The following RPF2 variants were observed in gnomAD, a reference collection of about 807,000 sequenced individuals.
RPF2 encodes the protein ribosome production factor 2 homolog.
A neutral mutation model predicts 38.9 loss-of-function variants in RPF2; 21 were observed. That is an observed-to-expected ratio of 0.54 (90% CI 0.38 to 0.78). The LOEUF (loss-of-function observed/expected upper bound fraction) is 0.78. RPF2 is among the 30% of genes least tolerant of loss of function. The pLI, the probability that RPF2 is intolerant of heterozygous loss-of-function variation, is 0.00. For synonymous variants in RPF2, 121 were observed against 126.2 expected, an observed-to-expected ratio of 0.96 and a Z score of 0.28; for missense variants, 314 against 358.1, an observed-to-expected ratio of 0.88 and a Z score of 0.99.
chr6:110,993,310 C>G (rs377274489), intron 4 of RPF2, among the ~76,000 whole-genome samples: 1 of 146,310 alleles, frequency 6.8e-6, no homozygotes, highest in Non-Finnish European at 1.5e-5. Context: ...GTTTTTTTTT[C>G]TTTTAGTTAG....
At chr6:111,021,161 C>A (rs985575015) in intron 8 of RPF2, among the ~76,000 whole-genome samples, 6 of 151,996 alleles carry the variant, frequency 3.9e-5, no homozygotes, top group Admixed American at 1.3e-4. Context: ...GAGCAAGACT[C>A]TGTCTCAAAA....
intron 7 of RPF2, among the ~76,000 whole-genome samples, chr6:111,012,618 T>C (rs1297068574): frequency 6.6e-6 from 1 of 152,188 alleles, no homozygotes; most frequent in African/African-American, 2.4e-5. Context: ...ATTTACCAAG[T>C]GGCATATTAA....
intron 8 of RPF2, among the ~76,000 whole-genome samples, chr6:111,017,541 C>T (rs1399412288): frequency 5.5e-5 from 8 of 146,776 alleles, no homozygotes; most frequent in African/African-American, 7.7e-5. Context: ...TTAGACGGGG[C>T]GGCCGGGCAG....
intron 4 of RPF2, among the ~76,000 whole-genome samples, chr6:110,994,367 G>A (rs1027647721): frequency 2.0e-5 from 3 of 151,842 alleles, no homozygotes; most frequent in African/African-American, 2.4e-5. Flanking sequence ...GGAGGATTGC[G>A]TGGGGCCAGG....
At chr6:110,994,281 A>T (rs1479329691) in intron 4 of RPF2, among the ~76,000 whole-genome samples, 4 of 147,300 alleles carry the variant, frequency 2.7e-5, no homozygotes, top group Admixed American at 6.8e-5. Flanking sequence ...ATCTCAATAA[A>T]AAAAAAAAAA....
At chr6:111,017,325 C>A (rs1342858174) in intron 8 of RPF2, among the ~76,000 whole-genome samples, 2 of 150,620 alleles carry the variant, frequency 1.3e-5, no homozygotes, top group African/African-American at 4.9e-5. Context: ...CACCTCCCTC[C>A]CGGATGGGGC....
At chr6:111,004,284 G>A (rs12663765) in intron 6 of RPF2, among the ~76,000 whole-genome samples, 19,613 of 151,422 alleles carry the variant, frequency 0.13, 1,742 homozygotes, top group East Asian at 0.5. Flanking sequence ...CTGGGTTCAC[G>A]CGATTCTCCT....
At chr6:110,990,259 T>C (rs1185999878) in intron 3 of RPF2, among the ~76,000 whole-genome samples, 1 of 130,148 alleles carries the variant, frequency 7.7e-6, no homozygotes, top group Non-Finnish European at 1.6e-5. Flanking sequence ...TTTAATACTC[T>C]TTTTCTCTTC....
chr6:111,019,829 A>C (rs72613257), intron 8 of RPF2, among the ~76,000 whole-genome samples: 24,724 of 152,134 alleles, frequency 0.16, 2,555 homozygotes, highest in East Asian at 0.53. Flanking sequence ...TTAGACTTGG[A>C]TCTCATCCCC....
rs1272632784 is a variant in RPF2 at position 111,026,708 on chromosome 6, A to G, written c.*1126A>G. Reference sequence around the variant, plus strand: ...AGACAGGCCTTGTGCCTAGGAAAACAGAAGCTTTCTTCTTCCTTCTACTAG... The same window carrying G: ...AGACAGGCCTTGTGCCTAGGAAAACGGAAGCTTTCTTCTTCCTTCTACTAG... On this transcript the variant is annotated 3_prime_UTR_variant, in exon 10 of 10. Coordinates refer to ENST00000441448, the MANE Select transcript of RPF2 (RefSeq NM_032194.3). The G allele has an allele frequency of 6.6e-6, 1 of 152,210 alleles. No homozygotes were observed. The highest frequency in any genetic ancestry group is 1.5e-5 in the Non-Finnish European group (1 of 68,048). The allele number at this position is 152,210 out of a possible 1,614,324, so 9.4% of individuals were successfully genotyped here.
intron 7 of RPF2, among the ~76,000 whole-genome samples, chr6:111,014,412 A>G (rs770820419): frequency 2.6e-5 from 4 of 152,170 alleles, no homozygotes; most frequent in Non-Finnish European, 5.9e-5. Flanking sequence ...GATTACAGGC[A>G]TGAGCCACTG....
chr6:111,006,820 T>G (rs930796357), intron 6 of RPF2, among the ~76,000 whole-genome samples: 1 of 151,590 alleles, frequency 6.6e-6, no homozygotes, highest in Non-Finnish European at 1.5e-5. Flanking sequence ...ATGCCTGTAA[T>G]CCCACCACTT....
chr6:110,985,662 A>C (rs1421155713), intron 2 of RPF2, among the ~76,000 whole-genome samples: 1 of 152,010 alleles, frequency 6.6e-6, no homozygotes, highest in South Asian at 2.1e-4. Context: ...AGGGGAGGCC[A>C]GGCACGGTGG....
Position 111,026,179 on chromosome 6 carries a change from C to T in RPF2, c.*597C>T, listed in dbSNP as rs559284372. On this transcript the variant is annotated 3_prime_UTR_variant, in exon 10 of 10. Transcript: ENST00000441448. ...CTCTACTACTAAGTAGAGCCCACCCCGCTTCTCTGAGACGAAACCTGTGTT... is the reference window on the plus strand; with the variant it reads ...CTCTACTACTAAGTAGAGCCCACCCTGCTTCTCTGAGACGAAACCTGTGTT... The T allele has an allele frequency of 2.6e-5, 4 of 152,312 alleles. No homozygotes were observed. The highest frequency in any genetic ancestry group is 3.9e-4 in the East Asian group (2 of 5,188). The allele number at this position is 152,312 out of a possible 1,614,324, so 9.4% of individuals were successfully genotyped here.
At chr6:111,011,295 TC>T (rs1772008959) in intron 7 of RPF2, among the ~76,000 whole-genome samples, 3 of 147,204 alleles carry the variant, frequency 2.0e-5, no homozygotes, top group East Asian at 2.3e-4. Context: ...TTTCTTTCTT[TC>T]TTTCTTTCTT....
chr6:111,004,384 A>G (rs962659938), intron 6 of RPF2, among the ~76,000 whole-genome samples: 1 of 150,742 alleles, frequency 6.6e-6, no homozygotes, highest in Non-Finnish European at 1.5e-5. Context: ...GAGTTTCACT[A>G]TGTTGGCCAG....
intron 8 of RPF2, among the ~76,000 whole-genome samples, chr6:111,017,393 GGA>G (rs1228681915): frequency 1.0e-5 from 1 of 98,586 alleles, no homozygotes. Context: ...GCTGCCAGGC[GGA>G]GACGCTCCTC....
At chr6:110,998,513 C>T (rs2114311914) in intron 5 of RPF2, among the ~76,000 whole-genome samples, 1 of 152,214 alleles carries the variant, frequency 6.6e-6, no homozygotes, top group East Asian at 1.9e-4. Context: ...CCGGCCTGAT[C>T]TAAAAATTTT....
chr6:111,005,155 A>G (rs1771887555), intron 6 of RPF2, among the ~76,000 whole-genome samples: 1 of 152,162 alleles, frequency 6.6e-6, no homozygotes, highest in South Asian at 2.1e-4. Flanking sequence ...TCCATCTCCT[A>G]AGTATAGACC....
Sources: gnomAD v4.1 joint callset for allele counts (sites outside exome capture counted in the v4.1 genomes callset) on GRCh38, gnomAD v4.1.1 for gene constraint, MANE v1.5 for transcripts, NCBI Gene and HGNC (gene_info 2026-07-23, HGNC 2026-07-21) for gene names.